The following SHOC1 variants were observed in gnomAD, a reference collection of about 807,000 sequenced individuals.
The protein encoded by SHOC1 is shortage in chiasmata 1.
Under a neutral mutation model 179.2 loss-of-function variants are expected in SHOC1, and 136 were observed. The ratio of observed to expected loss-of-function variants is 0.76; its 90% CI spans 0.66 to 0.87. The LOEUF is 0.87. Ranked by LOEUF, SHOC1 falls within the 40% of genes least tolerant of loss-of-function variation. The probability of loss-of-function intolerance (pLI) is 0.00; values close to 1 mark genes in which losing one functional copy is unlikely to be tolerated. For synonymous variants in SHOC1, 489 were observed against 586.6 expected (o/e 0.83, Z 2.41); for missense variants, 1,538 against 1,700.8 (o/e 0.90, Z 1.68).
chr9:111,781,602 A>G (rs537957593), intron 3 of SHOC1, among the ~76,000 whole-genome samples: 1 of 150,076 alleles, frequency 6.7e-6, no homozygotes, highest in Non-Finnish European at 1.5e-5. Context: ...GCATGCCTCT[A>G]GTCCCAACTA....
Position 111,692,627 on chromosome 9 carries a change from T to C in SHOC1, c.3466-116A>G, listed in dbSNP as rs551608957. ...GGTAGTCTATTCATAGATATTACAT[T>C]GATCCAGGTATTAAGAACATGAAAT... On this transcript the variant is annotated intron_variant, in intron 26 of 27. Coordinates refer to ENST00000682961, the MANE Select transcript of SHOC1 (RefSeq NM_001378211.1). 80 of 622,318 alleles carry C rather than the reference T, an allele frequency of 1.3e-4. 1 individual carries two copies. The African/African-American group carries it at 1.3e-3, about 10-fold the overall frequency. 38.5% of individuals were successfully genotyped at this position (622,318 alleles called of 1,614,324 possible). A position where few individuals can be genotyped will look rare whatever the true frequency, so the allele number is the denominator to read the frequency against.
Position 111,724,003 on chromosome 9 carries a change from G to A in SHOC1, c.1835-92C>T, listed in dbSNP as rs542132130. 27 of 958,568 alleles carry A rather than the reference G, an allele frequency of 2.8e-5. No individual in the cohort carries two copies. The East Asian group carries it at 6.9e-4, about 24-fold the overall frequency. 59.4% of individuals were successfully genotyped at this position (958,568 alleles called of 1,614,324 possible). On this transcript the variant is annotated intron_variant, in intron 13 of 27. Coordinates refer to ENST00000682961, the MANE Select transcript of SHOC1 (RefSeq NM_001378211.1). ...ATTTTTTTTCTAAAATATGATCACA[G>A]TTGTTAAATTTCTTCATTGAAACAC...
chr9:111,788,840 G>A (rs1836352301), intron 2 of SHOC1, among the ~76,000 whole-genome samples: 2 of 152,294 alleles, frequency 1.3e-5, no homozygotes, highest in Admixed American at 1.3e-4. Context: ...ATGAGTCAGT[G>A]TTCTCTTTAA....
At chr9:111,770,323 A>G (rs950674152) in intron 5 of SHOC1, among the ~76,000 whole-genome samples, 2 of 151,806 alleles carry the variant, frequency 1.3e-5, no homozygotes, top group Non-Finnish European at 2.9e-5. Context: ...GTGTTTGTGC[A>G]TTTTCCAAAG....
chr9:111,770,205 AT>A (rs961408384), intron 5 of SHOC1, among the ~76,000 whole-genome samples: 11 of 151,868 alleles, frequency 7.2e-5, no homozygotes, highest in African/African-American at 2.7e-4. Context: ...TACCCCATAG[AT>A]TTTGGTATGT....
At chr9:111,752,674 T>G (rs1195336246) in intron 8 of SHOC1, among the ~76,000 whole-genome samples, 2 of 152,208 alleles carry the variant, frequency 1.3e-5, no homozygotes, top group Non-Finnish European at 2.9e-5. Context: ...TAACATAACA[T>G]AGTAATCACT....
chr9:111,789,177 A>G (rs1051851083), intron 2 of SHOC1, among the ~76,000 whole-genome samples: 1 of 152,220 alleles, frequency 6.6e-6, no homozygotes, highest in African/African-American at 2.4e-5. Flanking sequence ...GTGTTATAAC[A>G]TATTAAATAA....
At chr9:111,742,902 C>G (rs995395966) in intron 10 of SHOC1, among the ~76,000 whole-genome samples, 1 of 152,218 alleles carries the variant, frequency 6.6e-6, no homozygotes, top group African/African-American at 2.4e-5. Flanking sequence ...TTATATTTAG[C>G]AGGCCATGTC....
chr9:111,762,325 G>A (rs1332001448), intron 5 of SHOC1, among the ~76,000 whole-genome samples: 3 of 151,120 alleles, frequency 2.0e-5, no homozygotes, highest in Non-Finnish European at 4.4e-5. Flanking sequence ...CTACTTAGGA[G>A]GCTAAGACAG....
intron 2 of SHOC1, among the ~76,000 whole-genome samples, chr9:111,787,169 AAGG>A (rs1836291077): frequency 2.0e-5 from 3 of 152,220 alleles, no homozygotes; most frequent in African/African-American, 7.2e-5. Context: ...GGAGATGTAC[AAGG>A]AGATTAATGT....
At position 111,727,949 on chromosome 9, in the gene SHOC1, T is replaced by G. The variant is rs10512411; in HGVS notation, c.1518A>C (p.Ala506=). The part of the protein sequence containing the change: ...LSLPQKSPSL[A]KEVPDLCFSD... ...AAAAACATAGATCTGGTACTTCTTT[T>G]GCCAGAGATGGACTCTTTTGTGGAA... Residue 506 remains alanine (A), a synonymous_variant, in exon 13 of 28, where the codon GCA becomes GCC. Transcript: ENST00000682961. The G allele has an allele frequency of 0.21, 340,684 of 1,612,464 alleles. 37,794 individuals are homozygous for G. Among genetic ancestry groups the G allele is most frequent in the Non-Finnish European group, 0.23 (268,169 of 1,179,206 alleles).
At chr9:111,733,012 C>G (rs1038353195) in intron 12 of SHOC1, among the ~76,000 whole-genome samples, 17 of 146,682 alleles carry the variant, frequency 1.2e-4, no homozygotes, top group Admixed American at 4.2e-4. Flanking sequence ...ACATTTGGAG[C>G]CTTCCTACAT....
chr9:111,786,053 A>C lies in SHOC1; in HGVS notation c.46-18T>G, dbSNP rs757777474. 2 of 1,459,804 alleles carry C rather than the reference A, an allele frequency of 1.4e-6. No homozygotes were observed. Among genetic ancestry groups the C allele is most frequent in the South Asian group, 1.4e-5 (1 of 69,666 alleles). 90.4% of individuals were successfully genotyped at this position (1,459,804 alleles called of 1,614,324 possible). A position where few individuals can be genotyped will look rare whatever the true frequency, so the allele number is the denominator to read the frequency against. On this transcript the variant is annotated intron_variant, in intron 2 of 27. Coordinates refer to ENST00000682961, the MANE Select transcript of SHOC1 (RefSeq NM_001378211.1). Reference sequence around the variant, plus strand: ...ACCACATTCTGTGGAAGAAAGAAAGATTAGAAAATCTTTTAACATGTACTA... The same window carrying C: ...ACCACATTCTGTGGAAGAAAGAAAGCTTAGAAAATCTTTTAACATGTACTA...
Position 111,727,935 on chromosome 9 carries a change from T to C in SHOC1, c.1532A>G (p.Asp511Gly), listed in dbSNP as rs1169132796. The change falls in exon 13 of 28, where the codon GAT becomes GGT. Residue 511 changes from aspartate (D) to glycine (G), a missense_variant. By Grantham distance (94) the Asp-to-Gly change is moderately conservative (BLOSUM62 -1). Coordinates refer to ENST00000682961, the MANE Select transcript of SHOC1 (RefSeq NM_001378211.1). ...KSPSLAKEVP[D>G]LCFSDDYFSD... ...GAAATAGTCATCAGAAAAACATAGA[T>C]CTGGTACTTCTTTTGCCAGAGATGG... 6.2e-7 allele frequency: 1 copy of C among 1,613,370 alleles called. No homozygotes were observed. The highest frequency in any genetic ancestry group is 1.3e-5 in the African/African-American group (1 of 74,876).
intron 11 of SHOC1, among the ~76,000 whole-genome samples, chr9:111,740,336 C>G (rs1471834463): frequency 6.6e-6 from 1 of 152,134 alleles, no homozygotes; most frequent in Non-Finnish European, 1.5e-5. Context: ...TGAAAGCCAG[C>G]TTTGGTGCTT....
In SHOC1 at chr9:111,756,374, C is replaced by T. The variant is rs1564151320; in HGVS notation, c.813G>A (p.Val271=). 1 of 1,611,020 alleles carries T rather than the reference C, an allele frequency of 6.2e-7. No individual in the cohort carries two copies. Among genetic ancestry groups the T allele is most frequent in the South Asian group, 1.1e-5 (1 of 90,208 alleles). Residue 271 remains valine, a synonymous_variant, in exon 8 of 28, where the codon GTG becomes GTA. Coordinates refer to ENST00000682961, the MANE Select transcript of SHOC1 (RefSeq NM_001378211.1). ...LSELKELLNP[V]PEIINYVDEK... ...CATCTACATAGTTTATTATTTCTGG[C>T]ACTGGGTTTAATAACTCCTTCAGTT...
chr9:111,747,427 T>A (rs911856428), intron 9 of SHOC1, among the ~76,000 whole-genome samples: 1 of 152,158 alleles, frequency 6.6e-6, no homozygotes, highest in Non-Finnish European at 1.5e-5. Context: ...TTAAAAAAAA[T>A]GTGACAGTGG....
rs765099688 is a variant in SHOC1 at position 111,690,441 on chromosome 9, C to T, written c.4426+1110G>A. On this transcript the variant is annotated intron_variant, in intron 27 of 27. Coordinates refer to ENST00000682961, the MANE Select transcript of SHOC1 (RefSeq NM_001378211.1). ...CTTGTCTTAAAGAAACAAAAAATCT[C>T]TTAGACAAGGTAGCATGAAATATTA... is the stretch of plus-strand genomic sequence containing the variant. 2.6e-4 allele frequency among the ~76,000 whole-genome samples: 40 copies of T among 152,056 alleles called. No individual in the cohort carries two copies. The Middle Eastern group carries it at 0.021, about 78-fold the overall frequency.
At position 111,791,437 on chromosome 9, in the gene SHOC1, C is replaced by A; in HGVS notation, c.-19G>T. 6.9e-7 allele frequency: 1 copy of A among 1,447,964 alleles called. No homozygotes were observed. Among genetic ancestry groups the A allele is most frequent in the Admixed American group, 2.6e-5 (1 of 38,912 alleles). 89.7% of individuals were successfully genotyped at this position (1,447,964 alleles called of 1,614,324 possible). ...AAAACATATCTTCTTTCTTTCAAAG[C>A]AGTGTAAATTTCAACATCTGGAAAT... On this transcript the variant is annotated 5_prime_UTR_variant, in exon 2 of 28. Transcript: ENST00000682961.
Sources: gnomAD v4.1 joint callset for allele counts (sites outside exome capture counted in the v4.1 genomes callset) on GRCh38, gnomAD v4.1.1 for gene constraint, MANE v1.5 for transcripts, NCBI Gene and HGNC (gene_info 2026-07-23, HGNC 2026-07-21) for gene names.